PPP1R14C: variants seen among roughly 807,000 people sequenced by gnomAD.
PPP1R14C encodes protein phosphatase 1 regulatory subunit 14C.
Under a neutral mutation model 20.4 loss-of-function variants are expected in PPP1R14C, and 16 were observed. That is an observed-to-expected ratio of 0.78 (90% CI 0.53 to 1.19). The LOEUF (loss-of-function observed/expected upper bound fraction) is 1.19. PPP1R14C is among the 50% of genes most tolerant of loss of function. The pLI is 0.00. For missense variants in PPP1R14C, 211 were observed against 220.1 expected, an observed-to-expected ratio of 0.96 and a Z score of 0.26; for synonymous variants, 91 against 91.0, an observed-to-expected ratio of 1.00 and a Z score of 0.00.
At chr6:150,234,834 G>A in intron 3 of PPP1R14C, among the ~76,000 whole-genome samples, 1 of 107,122 alleles carries the variant, frequency 9.3e-6, no homozygotes, top group African/African-American at 3.7e-5. Context: ...GGGCGACAAA[G>A]TGAGACTCTG....
intron 1 of PPP1R14C, chr6:150,194,392 C>T: frequency 2.1e-6 from 2 of 938,912 alleles, no homozygotes; most frequent in Non-Finnish European, 2.5e-6. Context: ...CTTTGGCAAC[C>T]CCTGTTTGTT....
chr6:150,158,418 C>A (rs1056447702), intron 1 of PPP1R14C, among the ~76,000 whole-genome samples: 1 of 152,136 alleles, frequency 6.6e-6, no homozygotes, highest in Admixed American at 6.6e-5. Context: ...AGAATCTAAT[C>A]AACACTCCAG....
intron 1 of PPP1R14C, among the ~76,000 whole-genome samples, chr6:150,186,780 G>C (rs1408576698): frequency 6.6e-6 from 1 of 152,072 alleles, no homozygotes; most frequent in East Asian, 1.9e-4. Flanking sequence ...GAAGAAAGGG[G>C]GAGAAAGTTC....
At chr6:150,219,746 C>T (rs1453101242) in intron 3 of PPP1R14C, among the ~76,000 whole-genome samples, 1 of 152,154 alleles carries the variant, frequency 6.6e-6, no homozygotes, top group Non-Finnish European at 1.5e-5. Flanking sequence ...TTCTCTGAAT[C>T]TTACCTTTTT....
intron 1 of PPP1R14C, among the ~76,000 whole-genome samples, chr6:150,186,861 C>A (rs1233430984): frequency 6.6e-6 from 1 of 152,126 alleles, no homozygotes; most frequent in African/African-American, 2.4e-5. Context: ...GGGGTCCAAC[C>A]AGGAGGACCT....
rs1778534034 is a variant in PPP1R14C at position 150,249,325 on chromosome 6, C to T, written c.*505C>T. ...ATGGATGGAATAAACTTGTGGTTGT[C>T]CTTTAACTGGAGGTCCCAGCACATG... is the stretch of plus-strand genomic sequence containing the variant. On this transcript the variant is annotated 3_prime_UTR_variant, in exon 4 of 4. Coordinates refer to ENST00000361131, the MANE Select transcript of PPP1R14C (RefSeq NM_030949.3). 2.5e-6 allele frequency: 1 copy of T among 399,030 alleles called. No homozygotes were observed. Among genetic ancestry groups the T allele is most frequent in the Non-Finnish European group, 4.4e-6 (1 of 226,126 alleles). 24.7% of individuals were successfully genotyped at this position (399,030 alleles called of 1,614,324 possible).
At chr6:150,214,611 T>C in intron 1 of PPP1R14C, 133 bp from the exon 2 acceptor site, 1 of 584,822 alleles carries the variant, frequency 1.7e-6, no homozygotes, top group Non-Finnish European at 3.0e-6. Context: ...CCCTAGCCTC[T>C]CCTTCCCCCT....
intron 1 of PPP1R14C, among the ~76,000 whole-genome samples, chr6:150,168,751 T>G (rs1179425276): frequency 1.3e-5 from 2 of 152,208 alleles, no homozygotes; most frequent in African/African-American, 4.8e-5. Context: ...CAGAAAGTCA[T>G]GTTTTGAGTA....
rs981706536 is a variant in PPP1R14C, at chr6:150,143,685, C to T, written c.306+187C>T. Reference sequence around the variant, plus strand: ...CTGGCGTCGGGCTCAGCGGTTGGGACGCCCCTGTCTGGGTTCGGCTGCCGG... The same window carrying T: ...CTGGCGTCGGGCTCAGCGGTTGGGATGCCCCTGTCTGGGTTCGGCTGCCGG... On this transcript the variant is annotated intron_variant, in intron 1 of 3. Coordinates refer to ENST00000361131, the MANE Select transcript of PPP1R14C (RefSeq NM_030949.3). The surrounding 1 kb of genome is among the most constrained non-coding windows in gnomAD (Gnocchi z 5.6). 6.6e-6 allele frequency among the ~76,000 whole-genome samples: 1 copy of T among 152,192 alleles called. No individual in the cohort carries two copies. Among genetic ancestry groups the T allele is most frequent in the African/African-American group, 2.4e-5 (1 of 41,460 alleles).
chr6:150,224,046 G>A (rs1778201139), intron 3 of PPP1R14C, among the ~76,000 whole-genome samples: 1 of 152,130 alleles, frequency 6.6e-6, no homozygotes, highest in South Asian at 2.1e-4. Flanking sequence ...TAAGGTCTGG[G>A]TCCAGGTTCA....
chr6:150,244,178 A>C (rs1056385813), intron 3 of PPP1R14C, among the ~76,000 whole-genome samples: 5 of 151,716 alleles, frequency 3.3e-5, no homozygotes, highest in African/African-American at 1.2e-4. Context: ...TAAAAAAAAA[A>C]AAACTCACTG....
intron 3 of PPP1R14C, among the ~76,000 whole-genome samples, chr6:150,227,897 G>T (rs74847142): frequency 0.027 from 4,163 of 152,218 alleles, 88 homozygotes; most frequent in East Asian, 0.12. Context: ...TTACTTAATA[G>T]CCCAAAGGAT....
rs56139981 is a variant in PPP1R14C at position 150,234,848 on chromosome 6, C to CAAAAAAAAAA, written c.424-13879_424-13870dup. Among the ~76,000 whole-genome samples, 109 of 41,828 alleles carry CAAAAAAAAAA rather than the reference C, an allele frequency of 2.6e-3. 3 individuals are homozygous for CAAAAAAAAAA. Among genetic ancestry groups the CAAAAAAAAAA allele is most frequent in the African/African-American group, 0.011 (106 of 9,706 alleles). 27.4% of individuals were successfully genotyped at this position (41,828 alleles called of 152,430 possible). On this transcript the variant is annotated intron_variant, in intron 3 of 3. Coordinates refer to ENST00000361131, the MANE Select transcript of PPP1R14C (RefSeq NM_030949.3). ...TGGGCGACAAAGTGAGACTCTGTCT[C>CAAAAAAAAAA]AAAAAAAAAAAAAAAAAAAAAAAAA...
chr6:150,235,883 T>C (rs1562276763), intron 3 of PPP1R14C, among the ~76,000 whole-genome samples: 2 of 152,200 alleles, frequency 1.3e-5, no homozygotes, highest in Admixed American at 6.5e-5. Flanking sequence ...AGTCTAGCTG[T>C]GGACACTGAC....
chr6:150,182,399 G>T (rs1777632149), intron 1 of PPP1R14C, among the ~76,000 whole-genome samples: 2 of 152,172 alleles, frequency 1.3e-5, no homozygotes, highest in South Asian at 2.1e-4. Flanking sequence ...CAGTAGATTG[G>T]GTATTTGGTG....
intron 1 of PPP1R14C, among the ~76,000 whole-genome samples, chr6:150,197,165 C>T (rs1777814771): frequency 6.6e-6 from 1 of 152,212 alleles, no homozygotes; most frequent in Non-Finnish European, 1.5e-5. Context: ...GTCTCTGCCC[C>T]TGCCTACCTC....
At chr6:150,172,185 A>C (rs1284166383) in intron 1 of PPP1R14C, among the ~76,000 whole-genome samples, 5 of 152,104 alleles carry the variant, frequency 3.3e-5, no homozygotes, top group African/African-American at 1.2e-4. Context: ...ATAGCTGGGA[A>C]CCCTTTGCAG....
chr6:150,226,654 A>G (rs528113756), intron 3 of PPP1R14C, among the ~76,000 whole-genome samples: 12 of 152,264 alleles, frequency 7.9e-5, no homozygotes, highest in African/African-American at 2.6e-4. Flanking sequence ...ATAGCTGAAG[A>G]TACCTATGCC....
intron 3 of PPP1R14C, among the ~76,000 whole-genome samples, chr6:150,226,110 T>C (rs1000483167): frequency 6.6e-6 from 1 of 151,812 alleles, no homozygotes; most frequent in Non-Finnish European, 1.5e-5. Context: ...CCCAAATCCA[T>C]AGCTGACCTG....
Sources: gnomAD v4.1 joint callset for allele counts (sites outside exome capture counted in the v4.1 genomes callset) on GRCh38, gnomAD v4.1.1 for gene constraint, Gnocchi (gnomAD v3.1) non-coding constraint, MANE v1.5 for transcripts, NCBI Gene and HGNC (gene_info 2026-07-23, HGNC 2026-07-21) for gene names.